ASB2: variants seen among roughly 807,000 people sequenced by gnomAD.
The protein encoded by ASB2 is ankyrin repeat and SOCS box protein 2.
A neutral mutation model predicts 62.4 loss-of-function variants in ASB2; 58 were observed. The observed-to-expected ratio is 0.93, with a 90% confidence interval of 0.75 to 1.16. The LOEUF (loss-of-function observed/expected upper bound fraction) is 1.16. Ranked by LOEUF, ASB2 falls within the 50% of genes most tolerant of loss-of-function variation. The pLI is 0.00. For missense variants in ASB2, 928 were observed against 887.9 expected (o/e 1.05, Z -0.57); for synonymous variants, 386 against 385.3 (o/e 1.00, Z -0.02).
chr14:93,956,730 C>G, intron 3 of ASB2, 36 bp downstream of exon 3: 2 of 1,613,278 alleles, frequency 1.2e-6, no homozygotes, highest in Non-Finnish European at 1.7e-6. Flanking sequence ...GCGGAGTGAA[C>G]TTGGATGGTC....
chr14:93,943,215 C>G (rs1327332151), intron 7 of ASB2, among the ~76,000 whole-genome samples: 2 of 152,270 alleles, frequency 1.3e-5, no homozygotes, highest in East Asian at 3.9e-4. Context: ...GGCCCGTAGT[C>G]GGCAGTGAAT....
intron 7 of ASB2, among the ~76,000 whole-genome samples, chr14:93,946,647 A>G (rs1482386775): frequency 6.6e-6 from 1 of 152,196 alleles, no homozygotes; most frequent in Non-Finnish European, 1.5e-5. Flanking sequence ...GGAGCCATGC[A>G]GCTCTTCGGC....
intron 2 of ASB2, among the ~76,000 whole-genome samples, chr14:93,960,932 T>C (rs1889384715): frequency 6.8e-6 from 1 of 146,510 alleles, no homozygotes; most frequent in Non-Finnish European, 1.5e-5. Flanking sequence ...TGATCCAGGC[T>C]CTAAGCTGGG....
At chr14:93,946,916 C>G (rs975606209) in intron 7 of ASB2, among the ~76,000 whole-genome samples, 52 of 152,320 alleles carry the variant, frequency 3.4e-4, no homozygotes, top group African/African-American at 1.2e-3. Flanking sequence ...TATCTGCCCC[C>G]CAGGATAGAA....
intron 2 of ASB2, among the ~76,000 whole-genome samples, chr14:93,962,176 G>C (rs1031079785): frequency 4.9e-5 from 5 of 102,022 alleles, no homozygotes; most frequent in African/African-American, 1.8e-4. Context: ...GTGCAGTGGC[G>C]GGATCTCGGC....
chr14:93,956,846 C>A lies in ASB2; in HGVS notation c.231G>T (p.Ser77=), dbSNP rs532067660. The A allele has an allele frequency of 1.9e-6, 3 of 1,614,106 alleles. No individual in the cohort carries two copies. Among genetic ancestry groups the A allele is most frequent in the South Asian group, 2.2e-5 (2 of 91,082 alleles). ...ACAAGCCCATTGGGGCCCGGGCCGGCGAACTCTCAGGAGGTGCAGTGGACC... is the reference window on the plus strand; with the variant it reads ...ACAAGCCCATTGGGGCCCGGGCCGGAGAACTCTCAGGAGGTGCAGTGGACC... ...WTRSTAPPES[S]PARAPMGLFQ... is the part of the protein sequence containing the mutation. Residue 77 remains serine (S), a synonymous_variant, in exon 3 of 10, where the codon TCG becomes TCT. Coordinates refer to ENST00000555019, the MANE Select transcript of ASB2 (RefSeq NM_001202429.2).
intron 2 of ASB2, among the ~76,000 whole-genome samples, chr14:93,961,049 A>T (rs1329789228): frequency 6.6e-6 from 1 of 152,192 alleles, no homozygotes; most frequent in Admixed American, 6.5e-5. Context: ...CACTCTCAGG[A>T]GGGTGTCCCA....
In ASB2 at chr14:93,934,356, C is replaced by G; in HGVS notation, c.*300G>C. ...CTGAGCACCACCTTCCCCAGAACACCTCAAGCTCTGCCCTGGCCCCAGGAA... is the reference window on the plus strand; with the variant it reads ...CTGAGCACCACCTTCCCCAGAACACGTCAAGCTCTGCCCTGGCCCCAGGAA... On this transcript the variant is annotated 3_prime_UTR_variant, in exon 10 of 10. Transcript: ENST00000555019. 1 of 437,814 alleles carries G rather than the reference C, an allele frequency of 2.3e-6. No homozygotes were observed. Among genetic ancestry groups the G allele is most frequent in the Non-Finnish European group, 4.3e-6 (1 of 233,332 alleles). The allele number at this position is 437,814 out of a possible 1,614,324, so 27.1% of individuals were successfully genotyped here.
In ASB2 at chr14:93,954,302, G is replaced by C; in HGVS notation, c.478+15C>G. Reference sequence around the variant, plus strand: ...CCTTTCCCACCTCTTGCCACCGTCAGAGCCCAGCCCTCACCTCGCTGCAGG... The same window carrying C: ...CCTTTCCCACCTCTTGCCACCGTCACAGCCCAGCCCTCACCTCGCTGCAGG... On this transcript the variant is annotated intron_variant, in intron 4 of 9. Coordinates refer to ENST00000555019, the MANE Select transcript of ASB2 (RefSeq NM_001202429.2). The C allele has an allele frequency of 6.2e-7, 1 of 1,609,626 alleles. No homozygotes were observed. Among genetic ancestry groups the C allele is most frequent in the Non-Finnish European group, 8.5e-7 (1 of 1,177,900 alleles).
At chr14:93,972,175 C>A (rs1169040916) in intron 1 of ASB2, among the ~76,000 whole-genome samples, 1 of 151,604 alleles carries the variant, frequency 6.6e-6, no homozygotes, top group Non-Finnish European at 1.5e-5. Context: ...CTTGGGCTAG[C>A]CTGGGGACAC....
rs141584945 is a variant in ASB2, at chr14:93,953,460, C to T, written c.526G>A (p.Val176Ile). Reference sequence around the variant, plus strand: ...TGGCCCCTGCACGTTGCCAAGTAAACGGCTGTTTCCTCCTGCAGGGTGCGC... The same window carrying T: ...TGGCCCCTGCACGTTGCCAAGTAAATGGCTGTTTCCTCCTGCAGGGTGCGC... ...DQRTLQEETA[V>I]YLATCRGHLD... Residue 176 changes from valine (V) to isoleucine (I), a missense_variant, in exon 5 of 10, where the codon GTT becomes ATT. Val to Ile is a conservative substitution (Grantham distance 29, BLOSUM62 3). Coordinates refer to ENST00000555019, the MANE Select transcript of ASB2 (RefSeq NM_001202429.2). 136 of 1,608,018 alleles carry T rather than the reference C, an allele frequency of 8.5e-5. No homozygotes were observed. Among genetic ancestry groups the T allele is most frequent in the South Asian group, 2.4e-4 (22 of 90,764 alleles).
intron 5 of ASB2, 86 bp downstream of exon 5, chr14:93,953,266 G>T: frequency 8.2e-7 from 1 of 1,217,596 alleles, no homozygotes; most frequent in Non-Finnish European, 1.1e-6. Flanking sequence ...TGGGGGTTAT[G>T]CACTTAACGG....
intron 1 of ASB2, among the ~76,000 whole-genome samples, chr14:93,968,604 C>T (rs1567033059): frequency 1.3e-5 from 2 of 152,214 alleles, no homozygotes; most frequent in South Asian, 2.1e-4. Context: ...CTCCCAGCTG[C>T]CCAGCACCCC....
chr14:93,939,038 C>G, intron 8 of ASB2, 70 bp downstream of exon 8: 1 of 1,329,694 alleles, frequency 7.5e-7, no homozygotes, highest in Non-Finnish European at 9.8e-7. Flanking sequence ...CCGCCCGCCT[C>G]CCATGCGCGC....
chr14:93,975,949 G>A lies in ASB2; in HGVS notation c.-74+485C>T, dbSNP rs957654121. Reference sequence around the variant, plus strand: ...TCTCCTAATCCCCAAACAGTTGAAAGCAGAGCACATGGCACCTTGGCTGCT... The same window carrying A: ...TCTCCTAATCCCCAAACAGTTGAAAACAGAGCACATGGCACCTTGGCTGCT... On this transcript the variant is annotated intron_variant, in intron 1 of 9. Coordinates refer to ENST00000555019, the MANE Select transcript of ASB2 (RefSeq NM_001202429.2). Among the ~76,000 whole-genome samples, 2 of 152,206 alleles carry A rather than the reference G, an allele frequency of 1.3e-5. 1 individual carries two copies. The highest frequency in any genetic ancestry group is 4.1e-4 in the South Asian group (2 of 4,826).
chr14:93,953,919 G>C (rs1360180192), intron 4 of ASB2, among the ~76,000 whole-genome samples: 1 of 152,220 alleles, frequency 6.6e-6, no homozygotes, highest in Admixed American at 6.5e-5. Flanking sequence ...TAGGAAGACA[G>C]GGCTCAGAGA....
At chr14:93,969,895 C>G (rs539402568) in intron 1 of ASB2, 1 of 152,392 alleles carries the variant, frequency 6.6e-6, no homozygotes, top group African/African-American at 2.4e-5. Flanking sequence ...GTAAATTACT[C>G]AGGCAAATCC....
At position 93,964,582 on chromosome 14, in the gene ASB2, T is replaced by G; in HGVS notation, c.-43A>C. The G allele has an allele frequency of 6.6e-7, 1 of 1,519,674 alleles. No individual in the cohort carries two copies. Among genetic ancestry groups the G allele is most frequent in the Non-Finnish European group, 8.8e-7 (1 of 1,132,348 alleles). The allele number at this position is 1,519,674 out of a possible 1,614,324, so 94.1% of individuals were successfully genotyped here. A position where few individuals can be genotyped will look rare whatever the true frequency, so the allele number is the denominator to read the frequency against. On this transcript the variant is annotated 5_prime_UTR_variant, in exon 2 of 10. Transcript: ENST00000555019. ...CCTGGCCTCCAGAACAGACACCCAG[T>G]GGGGAGGAGGGAACAGCAAATCAGA... is the stretch of plus-strand genomic sequence containing the variant.
intron 2 of ASB2, among the ~76,000 whole-genome samples, chr14:93,957,812 T>C (rs1043691694): frequency 6.6e-6 from 1 of 152,058 alleles, no homozygotes; most frequent in Admixed American, 6.5e-5. Flanking sequence ...GGGGTTGTCG[T>C]GAGAACAGGG....
Sources: allele counts gnomAD v4.1 joint callset (sites outside exome capture counted in the v4.1 genomes callset), GRCh38; gene constraint gnomAD v4.1.1; transcripts MANE v1.5; gene names NCBI Gene and HGNC (gene_info 2026-07-23, HGNC 2026-07-21).